CTNNA2: variants seen among roughly 807,000 people sequenced by gnomAD.
The protein encoded by CTNNA2 is catenin alpha-2.
Under a neutral mutation model 101.0 loss-of-function variants are expected in CTNNA2, and 42 were observed. The observed-to-expected ratio is 0.42, with a 90% CI of 0.32 to 0.54. The LOEUF (loss-of-function observed/expected upper bound fraction) is 0.54. CTNNA2 is among the 20% of genes least tolerant of loss of function. The pLI, the probability that CTNNA2 is intolerant of heterozygous loss-of-function variation, is 0.14. For synonymous variants in CTNNA2, 450 were observed against 456.4 expected (o/e 0.99, Z 0.18); for missense variants, 871 against 1,223.1 (o/e 0.71, Z 4.29).
At chr2:79,466,775 G>A (rs1486745465) in intron 4 of CTNNA2, among the ~76,000 whole-genome samples, 1 of 152,242 alleles carries the variant, frequency 6.6e-6, no homozygotes, top group African/African-American at 2.4e-5. Context: ...AAGGTCTGGA[G>A]TGGACCTCCA....
At chr2:80,142,519 G>C (rs1470644290) in intron 7 of CTNNA2, among the ~76,000 whole-genome samples, 1 of 152,148 alleles carries the variant, frequency 6.6e-6, no homozygotes, top group East Asian at 1.9e-4. Flanking sequence ...GTGAAGGAAA[G>C]AAGACGTAAT....
intron 3 of CTNNA2, among the ~76,000 whole-genome samples, chr2:79,348,531 C>T (rs547469033): frequency 4.6e-5 from 7 of 152,278 alleles, no homozygotes; most frequent in East Asian, 3.9e-4. Flanking sequence ...AGCAGCAAAG[C>T]GGAGCTTGAG....
chr2:79,715,679 T>C (rs972179077), intron 2 of CTNNA2, among the ~76,000 whole-genome samples: 22 of 152,116 alleles, frequency 1.4e-4, no homozygotes, highest in African/African-American at 5.1e-4. Flanking sequence ...ATTAAATTCA[T>C]CAATTAGAGG....
chr2:80,132,232 T>G (rs17018654), intron 7 of CTNNA2, among the ~76,000 whole-genome samples: 1 of 152,192 alleles, frequency 6.6e-6, no homozygotes, highest in African/African-American at 2.4e-5. Context: ...ACATTGCTAC[T>G]GAAAGCTTCA....
At chr2:79,928,278 T>C (rs1401140567) in intron 7 of CTNNA2, among the ~76,000 whole-genome samples, 1 of 152,190 alleles carries the variant, frequency 6.6e-6, no homozygotes, top group Non-Finnish European at 1.5e-5. Context: ...GTCATGCACT[T>C]TGTTGACTTA....
chr2:80,620,195 G>A (rs939523849), intron 18 of CTNNA2, among the ~76,000 whole-genome samples: 23 of 151,892 alleles, frequency 1.5e-4, no homozygotes, highest in Non-Finnish European at 2.4e-4. Flanking sequence ...AGGGTGGGAT[G>A]AAAGCATCCT....
Position 79,932,465 on chromosome 2 carries a change from T to C in CTNNA2, c.1056+22668T>C, listed in dbSNP as rs183745540. ...CACCTCTCAGCCACCTATGCTGAGA[T>C]ACTTGTGTGTGAGATTCTTTTTTTT... On this transcript the variant is annotated intron_variant, in intron 7 of 18. Coordinates refer to ENST00000402739, the MANE Select transcript of CTNNA2 (RefSeq NM_001282597.3). 1.9e-3 allele frequency among the ~76,000 whole-genome samples: 288 copies of C among 152,160 alleles called. 1 individual carries two copies. Among genetic ancestry groups the C allele is most frequent in the Non-Finnish European group, 2.4e-3 (161 of 67,994 alleles).
chr2:80,346,429 C>T lies in CTNNA2; in HGVS notation c.1057-46782C>T, dbSNP rs114021523. ...AGATCTTGTGTGAACTCAGAGATCTCACTTATCACCATGGGGATGGCACAA... is the reference window on the plus strand; with the variant it reads ...AGATCTTGTGTGAACTCAGAGATCTTACTTATCACCATGGGGATGGCACAA... On this transcript the variant is annotated intron_variant, in intron 7 of 18. Coordinates refer to ENST00000402739, the MANE Select transcript of CTNNA2 (RefSeq NM_001282597.3). Among the ~76,000 whole-genome samples the T allele has an allele frequency of 8.4e-3, 1,278 of 152,288 alleles. 15 individuals carry two copies. Among genetic ancestry groups the T allele is most frequent in the African/African-American group, 0.028 (1,179 of 41,546 alleles).
At chr2:79,534,868 A>G (rs1672958765) in intron 1 of CTNNA2, among the ~76,000 whole-genome samples, 1 of 151,790 alleles carries the variant, frequency 6.6e-6, no homozygotes, top group Non-Finnish European at 1.5e-5. Context: ...TTTGCTGTTA[A>G]TATTTTTATA....
At chr2:79,998,462 G>C (rs1315167358) in intron 7 of CTNNA2, among the ~76,000 whole-genome samples, 1 of 152,094 alleles carries the variant, frequency 6.6e-6, no homozygotes, top group Non-Finnish European at 1.5e-5. Context: ...AAATAATCAG[G>C]TGGTTTCACT....
chr2:80,172,709 T>C (rs957077446), intron 7 of CTNNA2, among the ~76,000 whole-genome samples: 43 of 152,192 alleles, frequency 2.8e-4, no homozygotes, highest in Admixed American at 2.8e-3. Flanking sequence ...ATCTATTGTC[T>C]CTGAGGGAGA....
At chr2:80,202,361 G>A (rs1172080741) in intron 7 of CTNNA2, among the ~76,000 whole-genome samples, 1 of 152,164 alleles carries the variant, frequency 6.6e-6, no homozygotes, top group Non-Finnish European at 1.5e-5. Context: ...GTAATAAAAT[G>A]TGGTACAGGC....
intron 18 of CTNNA2, among the ~76,000 whole-genome samples, chr2:80,629,690 A>G (rs1017274316): frequency 3.3e-5 from 5 of 152,130 alleles, no homozygotes; most frequent in Middle Eastern, 3.2e-3. Flanking sequence ...ATTCTTTACT[A>G]TAGGGAGCTT....
At chr2:79,319,496 A>G (rs1468282170) in intron 3 of CTNNA2, among the ~76,000 whole-genome samples, 1 of 152,100 alleles carries the variant, frequency 6.6e-6, no homozygotes, top group Non-Finnish European at 1.5e-5. Flanking sequence ...CCTCCTCTGA[A>G]TATCTTCATC....
Position 79,961,035 on chromosome 2 carries a change from A to G in CTNNA2, c.1056+51238A>G, listed in dbSNP as rs1689590100. On this transcript the variant is annotated intron_variant, in intron 7 of 18. Coordinates refer to ENST00000402739, the MANE Select transcript of CTNNA2 (RefSeq NM_001282597.3). ...CTTTTTAATAGAACTTAGATATTTC[A>G]TTATGCGAATTAAAATTGTGGATGG... Among the ~76,000 whole-genome samples, 3 of 152,232 alleles carry G rather than the reference A, an allele frequency of 2.0e-5. No individual in the cohort carries two copies. In the East Asian group the frequency reaches 5.8e-4, roughly 29 times the overall value.
At chr2:79,776,190 GAAC>G (rs1341680910) in intron 3 of CTNNA2, among the ~76,000 whole-genome samples, 4 of 152,096 alleles carry the variant, frequency 2.6e-5, no homozygotes, top group Admixed American at 6.5e-5. Flanking sequence ...ATGAAACTTT[GAAC>G]ACGGCTTTTG....
intron 17 of CTNNA2, among the ~76,000 whole-genome samples, chr2:80,610,941 C>G (rs56120604): frequency 0.045 from 6,774 of 151,344 alleles, 199 homozygotes; most frequent in Non-Finnish European, 0.067. Flanking sequence ...GGATGTGTTT[C>G]TGTGTATGCT....
At chr2:79,389,078 T>C (rs1678138126) in intron 4 of CTNNA2, among the ~76,000 whole-genome samples, 1 of 152,202 alleles carries the variant, frequency 6.6e-6, no homozygotes, top group South Asian at 2.1e-4. Context: ...CATAGACAGA[T>C]ATGTCATTAA....
chr2:79,381,904 G>T (rs7568908), intron 4 of CTNNA2, among the ~76,000 whole-genome samples: 18,233 of 152,240 alleles, frequency 0.12, 2,911 homozygotes, highest in African/African-American at 0.37. Context: ...TTTGCCTTCA[G>T]ATAGCTAAAT....
Sources: gnomAD v4.1 joint callset for allele counts (sites outside exome capture counted in the v4.1 genomes callset) on GRCh38, gnomAD v4.1.1 for gene constraint, MANE v1.5 for transcripts, NCBI Gene and HGNC (gene_info 2026-07-23, HGNC 2026-07-21) for gene names.